The following NEBL variants were observed in gnomAD, a reference collection of about 807,000 sequenced individuals.
The protein encoded by NEBL is nebulette.
In NEBL, 122 loss-of-function variants were observed where a neutral mutation model predicts 140.2. That is an observed-to-expected ratio of 0.87 (90% confidence interval 0.75 to 1.01). NEBL has a LOEUF of 1.01. Among genes scored for constraint, NEBL ranks in the 50% least tolerant of loss-of-function variants. The pLI is 0.00. For missense variants in NEBL, 1,365 were observed against 1,231.3 expected (o/e 1.11, Z -1.62); for synonymous variants, 436 against 398.9 (o/e 1.09, Z -1.11).
At chr10:20,864,981 A>G (rs1344888409) in intron 7 of NEBL, among the ~76,000 whole-genome samples, 1 of 152,138 alleles carries the variant, frequency 6.6e-6, no homozygotes, top group Non-Finnish European at 1.5e-5. Flanking sequence ...GAATCTGATC[A>G]CTCAGTTGCT....
intron 3 of NEBL, among the ~76,000 whole-genome samples, chr10:20,990,850 A>T (rs759177171): frequency 6.6e-6 from 1 of 152,162 alleles, no homozygotes; most frequent in Non-Finnish European, 1.5e-5. Flanking sequence ...GTTTCAGATC[A>T]TTCATCCCTG....
chr10:21,095,571 T>A (rs1219758096), intron 2 of NEBL, among the ~76,000 whole-genome samples: 8 of 152,232 alleles, frequency 5.3e-5, no homozygotes, highest in African/African-American at 1.9e-4. Context: ...TCGGATTATT[T>A]AGGATGTGAT....
intron 24 of NEBL, among the ~76,000 whole-genome samples, chr10:20,812,555 A>G (rs930110729): frequency 6.6e-6 from 1 of 151,306 alleles, no homozygotes. Flanking sequence ...CAGAGCTTCC[A>G]ATAATAGAAA....
chr10:20,785,613 G>C lies in NEBL; in HGVS notation c.*134C>G. 2 of 1,012,548 alleles carry C rather than the reference G, an allele frequency of 2.0e-6. No individual in the cohort carries two copies. Among genetic ancestry groups the C allele is most frequent in the South Asian group, 2.8e-5 (2 of 70,806 alleles). 62.7% of individuals were successfully genotyped at this position (1,012,548 alleles called of 1,614,324 possible). On this transcript the variant is annotated 3_prime_UTR_variant, in exon 28 of 28. Coordinates refer to ENST00000377122, the MANE Select transcript of NEBL (RefSeq NM_006393.3). Reference sequence around the variant, plus strand: ...AGGTCATTCCTTCTTCCTGGTACCTGTGTGTCTAATTGTCAAAGGAAGGAT... The same window carrying C: ...AGGTCATTCCTTCTTCCTGGTACCTCTGTGTCTAATTGTCAAAGGAAGGAT...
At chr10:21,106,960 A>C (rs942804604) in intron 2 of NEBL, among the ~76,000 whole-genome samples, 1 of 152,112 alleles carries the variant, frequency 6.6e-6, no homozygotes, top group African/African-American at 2.4e-5. Flanking sequence ...TGTGAATGGG[A>C]ATTCACTCAT....
chr10:21,076,007 T>G (rs1836055031), intron 2 of NEBL, among the ~76,000 whole-genome samples: 1 of 152,098 alleles, frequency 6.6e-6, no homozygotes, highest in African/African-American at 2.4e-5. Context: ...ATTACGATGG[T>G]CATGATTTTA....
At chr10:21,250,237 T>G (rs900361910) in intron 2 of NEBL, among the ~76,000 whole-genome samples, 2 of 152,180 alleles carry the variant, frequency 1.3e-5, no homozygotes, top group Admixed American at 1.3e-4. Context: ...ACCCTTAATC[T>G]GAGTGGGCAC....
intron 3 of NEBL, among the ~76,000 whole-genome samples, chr10:21,191,526 G>A (rs1040301673): frequency 2.6e-5 from 4 of 152,104 alleles, no homozygotes; most frequent in African/African-American, 9.7e-5. Context: ...TCCTATCAAT[G>A]GAAGTTCTTA....
chr10:20,888,051 A>G (rs779350707), intron 4 of NEBL, 46 bp downstream of exon 4: 4 of 1,298,616 alleles, frequency 3.1e-6, no homozygotes, highest in Non-Finnish European at 4.5e-6. Flanking sequence ...TTTTCCAGTT[A>G]TATGTTTTAT....
chr10:21,004,383 C>T (rs1229313521), intron 3 of NEBL, among the ~76,000 whole-genome samples: 1 of 152,182 alleles, frequency 6.6e-6, no homozygotes, highest in African/African-American at 2.4e-5. Context: ...TTATTTGGGA[C>T]GACGTTCTAT....
intron 2 of NEBL, among the ~76,000 whole-genome samples, chr10:21,171,075 C>T (rs1405384869): frequency 2.6e-5 from 4 of 152,148 alleles, no homozygotes; most frequent in African/African-American, 9.7e-5. Flanking sequence ...GTGGCTCACG[C>T]CGGTAATTCC....
At chr10:21,152,583 GAA>G (rs377436400) in intron 2 of NEBL, among the ~76,000 whole-genome samples, 1 of 137,962 alleles carries the variant, frequency 7.2e-6, no homozygotes, top group African/African-American at 2.7e-5. Context: ...CAAGAAAAAA[GAA>G]AAAAAAAAAA....
chr10:20,915,539 A>G (rs1218222846), intron 4 of NEBL, among the ~76,000 whole-genome samples: 4 of 151,596 alleles, frequency 2.6e-5, no homozygotes, highest in Non-Finnish European at 5.9e-5. Context: ...GTTTACTGAG[A>G]ATGATGATTT....
At chr10:21,131,152 GCTT>G (rs1430451638) in intron 2 of NEBL, among the ~76,000 whole-genome samples, 1 of 152,128 alleles carries the variant, frequency 6.6e-6, no homozygotes, top group East Asian at 1.9e-4. Flanking sequence ...GAAATAGACT[GCTT>G]CTTTGCAAGA....
intron 2 of NEBL, chr10:21,020,260 T>A: frequency 6.9e-7 from 1 of 1,445,008 alleles, no homozygotes; most frequent in South Asian, 1.1e-5. Flanking sequence ...AACAACACTT[T>A]CACACCCATT....
At chr10:20,791,206 C>G (rs114397410) in intron 26 of NEBL, among the ~76,000 whole-genome samples, 1,704 of 152,248 alleles carry the variant, frequency 0.011, 52 homozygotes, top group African/African-American at 0.038. Context: ...ATTTCAGGCT[C>G]TATATGGAAT....
intron 4 of NEBL, among the ~76,000 whole-genome samples, chr10:20,923,466 C>T (rs1833697811): frequency 6.6e-6 from 1 of 151,636 alleles, no homozygotes; most frequent in Non-Finnish European, 1.5e-5. Flanking sequence ...ATCACGAGGT[C>T]AGGAGATCAA....
chr10:20,977,987 A>G (rs1242788854), intron 3 of NEBL, among the ~76,000 whole-genome samples: 3 of 152,274 alleles, frequency 2.0e-5, no homozygotes, highest in Non-Finnish European at 4.4e-5. Flanking sequence ...GGAATAGATT[A>G]CATTGAAAAT....
chr10:21,083,425 G>A (rs970483523), intron 2 of NEBL, among the ~76,000 whole-genome samples: 4 of 152,072 alleles, frequency 2.6e-5, no homozygotes, highest in Non-Finnish European at 4.4e-5. Context: ...CTGTTCAAGG[G>A]GTACACTGAG....
Sources: gnomAD v4.1 joint callset for allele counts (sites outside exome capture counted in the v4.1 genomes callset) on GRCh38, gnomAD v4.1.1 for gene constraint, MANE v1.5 for transcripts, NCBI Gene and HGNC (gene_info 2026-07-23, HGNC 2026-07-21) for gene names.